The following ATRNL1 variants were observed in gnomAD, a reference collection of about 807,000 sequenced individuals.
The protein encoded by ATRNL1 is attractin-like protein 1.
ATRNL1 carries 95 observed loss-of-function variants against 182.7 expected under a neutral mutation model. The ratio of observed to expected loss-of-function variants is 0.52; its 90% CI spans 0.44 to 0.62. The LOEUF (loss-of-function observed/expected upper bound fraction) is 0.62. Ranked by LOEUF, ATRNL1 falls within the 20% of genes least tolerant of loss-of-function variation. The pLI is 0.00. For missense variants in ATRNL1, 1,471 were observed against 1,679.5 expected (o/e 0.88, Z 2.17); for synonymous variants, 576 against 568.3 (o/e 1.01, Z -0.19).
At chr10:115,114,330 T>G (rs1554869160) in intron 1 of ATRNL1, among the ~76,000 whole-genome samples, 1 of 152,176 alleles carries the variant, frequency 6.6e-6, no homozygotes, top group African/African-American at 2.4e-5. Context: ...AGCTATGACT[T>G]TGGTCTGAGC....
chr10:115,346,542 A>G (rs953506246), intron 19 of ATRNL1, among the ~76,000 whole-genome samples: 2 of 152,008 alleles, frequency 1.3e-5, no homozygotes, highest in African/African-American at 2.4e-5. Flanking sequence ...ATCATATTTT[A>G]TCTATCTATT....
chr10:115,545,731 T>G lies in ATRNL1; in HGVS notation c.3717-3727T>G, dbSNP rs114820511. On this transcript the variant is annotated intron_variant, in intron 25 of 28. Coordinates refer to ENST00000355044, the MANE Select transcript of ATRNL1 (RefSeq NM_207303.4). ...TAAAAATACATTTTGGTATTTAAGT[T>G]GTATCTACTGAATATAAGTAACTTT... Among the ~76,000 whole-genome samples, 1,266 of 152,348 alleles carry G rather than the reference T, an allele frequency of 8.3e-3. 17 individuals are homozygous for G. Among genetic ancestry groups the G allele is most frequent in the African/African-American group, 0.029 (1,206 of 41,582 alleles).
intron 20 of ATRNL1, among the ~76,000 whole-genome samples, chr10:115,424,777 A>C (rs928855168): frequency 2.0e-5 from 3 of 152,100 alleles, no homozygotes; most frequent in Admixed American, 2.0e-4. Context: ...GGTTGTGAGA[A>C]GCTGTGGAGG....
At chr10:115,200,959 T>C (rs1848549814) in intron 8 of ATRNL1, among the ~76,000 whole-genome samples, 1 of 151,052 alleles carries the variant, frequency 6.6e-6, no homozygotes, top group Non-Finnish European at 1.5e-5. Flanking sequence ...GGTTTTGATT[T>C]GCATTTCTCT....
intron 26 of ATRNL1, among the ~76,000 whole-genome samples, chr10:115,605,962 C>T (rs1856851950): frequency 6.6e-6 from 1 of 151,728 alleles, no homozygotes; most frequent in Non-Finnish European, 1.5e-5. Context: ...TTTACTATAT[C>T]AGTAAGAAAG....
In ATRNL1 at chr10:115,230,895, G is replaced by T. The variant is rs1227382776; in HGVS notation, c.1533-10676G>T. ...TGAGAGAGAGAGAGAGAGAGAGAGAGAGAGAGAGAGAGAGAGAGAGAGAGA... is the reference window on the plus strand; with the variant it reads ...TGAGAGAGAGAGAGAGAGAGAGAGATAGAGAGAGAGAGAGAGAGAGAGAGA... On this transcript the variant is annotated intron_variant, in intron 9 of 28. Transcript: ENST00000355044. 2.0e-5 allele frequency among the ~76,000 whole-genome samples: 3 copies of T among 148,854 alleles called. No individual in the cohort carries two copies. In the East Asian group the frequency reaches 6.0e-4, roughly 30 times the overall value.
At chr10:115,742,439 T>A (rs1948166265) in intron 27 of ATRNL1, among the ~76,000 whole-genome samples, 1 of 152,110 alleles carries the variant, frequency 6.6e-6, no homozygotes, top group Non-Finnish European at 1.5e-5. Flanking sequence ...ATCTTATAAT[T>A]TTTCACGATA....
intron 8 of ATRNL1, among the ~76,000 whole-genome samples, chr10:115,187,828 C>T (rs1259035790): frequency 2.0e-5 from 3 of 151,122 alleles, no homozygotes; most frequent in Non-Finnish European, 3.0e-5. Flanking sequence ...ACTACAGGTG[C>T]GCGCCAGCAT....
At chr10:115,829,726 T>G (rs1447315488) in intron 27 of ATRNL1, among the ~76,000 whole-genome samples, 1 of 152,090 alleles carries the variant, frequency 6.6e-6, no homozygotes, top group Non-Finnish European at 1.5e-5. Flanking sequence ...TCCTTTATGG[T>G]TTTGGAGACT....
At chr10:115,837,692 C>A (rs1555095921) in intron 27 of ATRNL1, among the ~76,000 whole-genome samples, 1 of 152,152 alleles carries the variant, frequency 6.6e-6, no homozygotes, top group Non-Finnish European at 1.5e-5. Flanking sequence ...CCACAATAGA[C>A]TAATGTTTGA....
chr10:115,452,039 C>T (rs938497401), intron 21 of ATRNL1, among the ~76,000 whole-genome samples: 1 of 152,048 alleles, frequency 6.6e-6, no homozygotes. Context: ...TTCTCACTTA[C>T]AAGTGGTAGC....
At chr10:115,301,750 T>G (rs1487547614) in intron 16 of ATRNL1, 105 bp from the exon 17 acceptor site, 1 of 885,426 alleles carries the variant, frequency 1.1e-6, no homozygotes. Context: ...ATGCCACAGT[T>G]GGCTTAATTG....
chr10:115,841,577 G>T (rs1031051545), intron 27 of ATRNL1, among the ~76,000 whole-genome samples: 1 of 151,998 alleles, frequency 6.6e-6, no homozygotes, highest in Non-Finnish European at 1.5e-5. Flanking sequence ...CTATTCCCAC[G>T]TGTAATACTT....
intron 27 of ATRNL1, among the ~76,000 whole-genome samples, chr10:115,802,334 C>G (rs1046495388): frequency 6.6e-6 from 1 of 152,114 alleles, no homozygotes; most frequent in East Asian, 1.9e-4. Flanking sequence ...TGATTCTGCC[C>G]AGGGAGGAAG....
rs374362243 is a variant in ATRNL1, at chr10:115,208,129, G to A, written c.1349-7568G>A. 1.4e-3 allele frequency among the ~76,000 whole-genome samples: 208 copies of A among 151,980 alleles called. 1 individual carries two copies. The highest frequency in any genetic ancestry group is 4.7e-3 in the African/African-American group (197 of 41,496). The stretch of plus-strand genomic sequence containing the variant: ...ATTCTGTTAAATGTATTTTTCATTT[G>A]AGGCATTCATTTATAGGCATTCTAT... On this transcript the variant is annotated intron_variant, in intron 8 of 28. Coordinates refer to ENST00000355044, the MANE Select transcript of ATRNL1 (RefSeq NM_207303.4).
chr10:115,280,216 A>G (rs1269642329), intron 13 of ATRNL1, among the ~76,000 whole-genome samples: 4 of 152,196 alleles, frequency 2.6e-5, no homozygotes, highest in Non-Finnish European at 1.5e-5. Flanking sequence ...AGGACCAGAT[A>G]TTGCTCTTAG....
At chr10:115,224,909 G>A (rs539958759) in intron 9 of ATRNL1, among the ~76,000 whole-genome samples, 11 of 152,118 alleles carry the variant, frequency 7.2e-5, no homozygotes, top group Admixed American at 4.6e-4. Context: ...TCTCCAGGCC[G>A]TGATCACTTT....
Position 115,584,419 on chromosome 10 carries a change from A to G in ATRNL1, c.3795+34883A>G, listed in dbSNP as rs1393222517. 4.0e-3 allele frequency among the ~76,000 whole-genome samples: 556 copies of G among 139,590 alleles called. 2 individuals are homozygous for G. The highest frequency in any genetic ancestry group is 0.014 in the African/African-American group (527 of 38,916). The allele number at this position is 139,590 out of a possible 152,430, so 91.6% of individuals were successfully genotyped here. A position where few individuals can be genotyped will look rare whatever the true frequency, so the allele number is the denominator to read the frequency against. On this transcript the variant is annotated intron_variant, in intron 26 of 28. Transcript: ENST00000355044. ...TGGTAAGCTATTGATTATTGCCACAATTTCAGATGGTGTTATTGGTCTATT... is the reference window on the plus strand; with the variant it reads ...TGGTAAGCTATTGATTATTGCCACAGTTTCAGATGGTGTTATTGGTCTATT...
At chr10:115,940,149 G>A (rs184519392) in intron 28 of ATRNL1, among the ~76,000 whole-genome samples, 4 of 152,274 alleles carry the variant, frequency 2.6e-5, no homozygotes, top group Non-Finnish European at 4.4e-5. Flanking sequence ...TGAAAAAAGG[G>A]AAGCTTCAGG....
Sources: allele counts gnomAD v4.1 joint callset (sites outside exome capture counted in the v4.1 genomes callset), GRCh38; gene constraint gnomAD v4.1.1; transcripts MANE v1.5; gene names NCBI Gene and HGNC (gene_info 2026-07-23, HGNC 2026-07-21).